The following BTN3A2 variants were observed in gnomAD, a reference collection of about 807,000 sequenced individuals.
BTN3A2 encodes butyrophilin subfamily 3 member A2, also known as butyrophilin protein.
Under a neutral mutation model 37.6 loss-of-function variants are expected in BTN3A2, and 25 were observed. The observed-to-expected ratio is 0.66, with a 90% CI of 0.48 to 0.93. BTN3A2 has a LOEUF of 0.93. Ranked by LOEUF, BTN3A2 falls within the 40% of genes least tolerant of loss-of-function variation. The pLI is 0.00. For missense variants in BTN3A2, 266 were observed against 410.9 expected (o/e 0.65, Z 3.05); for synonymous variants, 122 against 159.4 (o/e 0.77, Z 1.77).
chr6:26,369,302 T>C (rs190065872), intron 4 of BTN3A2, among the ~76,000 whole-genome samples: 85 of 152,342 alleles, frequency 5.6e-4, no homozygotes, highest in African/African-American at 2.0e-3. Flanking sequence ...GAATAGTGAC[T>C]GTATCTGCTG....
chr6:26,375,334 TG>T (rs1760605674), intron 10 of BTN3A2: 1 of 352,136 alleles, frequency 2.8e-6, no homozygotes, highest in Non-Finnish European at 5.2e-6. Flanking sequence ...ACCCCTAGCC[TG>T]GGAGGGCTAA....
rs1422169809 is a variant in BTN3A2, at chr6:26,376,581, A to T, written c.*819A>T. 7 of 1,413,942 alleles carry T rather than the reference A, an allele frequency of 5.0e-6. No homozygotes were observed. The highest frequency in any genetic ancestry group is 6.8e-6 in the Non-Finnish European group (7 of 1,031,924). 87.6% of individuals were successfully genotyped at this position (1,413,942 alleles called of 1,614,324 possible). On this transcript the variant is annotated 3_prime_UTR_variant, in exon 11 of 11. Transcript: ENST00000377708. ...CCTCAAACTCTCTGCAGCAGATGTAATTCTGTATCCAGACATGGCAAATGC... is the reference window on the plus strand; with the variant it reads ...CCTCAAACTCTCTGCAGCAGATGTATTTCTGTATCCAGACATGGCAAATGC...
Position 26,368,022 on chromosome 6 carries a change from A to T in BTN3A2, c.-34A>T. On this transcript the variant is annotated 5_prime_UTR_variant, in exon 2 of 11. Transcript: ENST00000377708. ...TCCATACTGGAACCCAAAGGTAAAGACACTCAAGGACAGACATTTTTGGCA... is the reference window on the plus strand; with the variant it reads ...TCCATACTGGAACCCAAAGGTAAAGTCACTCAAGGACAGACATTTTTGGCA... The T allele has an allele frequency of 6.9e-7, 1 of 1,449,662 alleles. No individual in the cohort carries two copies. The highest frequency in any genetic ancestry group is 9.1e-7 in the Non-Finnish European group (1 of 1,097,532). The allele number at this position is 1,449,662 out of a possible 1,614,324, so 89.8% of individuals were successfully genotyped here. A position where few individuals can be genotyped will look rare whatever the true frequency, so the allele number is the denominator to read the frequency against.
intron 1 of BTN3A2, among the ~76,000 whole-genome samples, chr6:26,367,285 A>G (rs72841507): frequency 0.046 from 7,009 of 152,284 alleles, 172 homozygotes; most frequent in African/African-American, 0.07. Context: ...AACCACTTTT[A>G]TACTTTAAAA....
intron 8 of BTN3A2, 108 bp from the exon 9 acceptor site, chr6:26,374,219 A>AGACTAGATGGATGGAAAAAAAAGGGG: frequency 3.1e-6 from 1 of 324,498 alleles, no homozygotes; most frequent in African/African-American, 2.7e-5. Flanking sequence ...AAAAAAAAAA[A>AGACTAGATGGATGGAAAAAAAAGGGG]AAAAAAAAAA....
chr6:26,365,393 T>C, intron 1 of BTN3A2, 41 bp downstream of exon 1: 1 of 1,534,894 alleles, frequency 6.5e-7, no homozygotes, highest in Non-Finnish European at 8.7e-7. Flanking sequence ...CTACAACGCA[T>C]GGGAGGAGCG....
At chr6:26,365,387 A>G in intron 1 of BTN3A2, 35 bp downstream of exon 1, 1 of 1,535,806 alleles carries the variant, frequency 6.5e-7, no homozygotes, top group Non-Finnish European at 8.7e-7. Flanking sequence ...CCTGGGCTAC[A>G]ACGCATGGGA....
chr6:26,373,101 T>C lies in BTN3A2; in HGVS notation c.916+4T>C, dbSNP rs750068318. The C allele has an allele frequency of 1.9e-6, 3 of 1,613,282 alleles. No individual in the cohort carries two copies. The highest frequency in any genetic ancestry group is 2.5e-6 in the Non-Finnish European group (3 of 1,180,022). On this transcript the variant is annotated splice_donor_region_variant and intron_variant, in intron 6 of 10. Transcript: ENST00000377708. ...GAGCGGGAAATAAGCCTAAGAGGTA[T>C]CCAACGCAAGCAGAGAATCTAAGCT...
chr6:26,376,004 A>C lies in BTN3A2; in HGVS notation c.*242A>C. On this transcript the variant is annotated 3_prime_UTR_variant, in exon 11 of 11. Coordinates refer to ENST00000377708, the MANE Select transcript of BTN3A2 (RefSeq NM_007047.5). ...GGCGGATCACAAGGTCAGGAGATCAAGACCATCCTGGCTAACACGGTGAAA... is the reference window on the plus strand; with the variant it reads ...GGCGGATCACAAGGTCAGGAGATCACGACCATCCTGGCTAACACGGTGAAA... 1 of 721,876 alleles carries C rather than the reference A, an allele frequency of 1.4e-6. No homozygotes were observed. The highest frequency in any genetic ancestry group is 2.1e-5 in the South Asian group (1 of 48,072). The allele number at this position is 721,876 out of a possible 1,614,324, so 44.7% of individuals were successfully genotyped here.
intron 10 of BTN3A2, chr6:26,375,390 C>A: frequency 2.4e-6 from 1 of 417,060 alleles, no homozygotes; most frequent in Non-Finnish European, 4.4e-6. Context: ...GGTAGCTTAA[C>A]GAGGGAGCTT....
chr6:26,375,646 A>C, intron 10 of BTN3A2, 151 bp from the exon 11 acceptor site: 1 of 1,499,608 alleles, frequency 6.7e-7, no homozygotes, highest in Non-Finnish European at 8.9e-7. Flanking sequence ...AATCTAGGGC[A>C]TATAAGGCCC....
At chr6:26,374,703 G>C (rs2113716114) in intron 9 of BTN3A2, 68 bp from the exon 10 acceptor site, 1 of 1,425,814 alleles carries the variant, frequency 7.0e-7, no homozygotes, top group Middle Eastern at 2.2e-4. Context: ...CATGTAGTGA[G>C]AGGAGAATGG....
Position 26,377,339 on chromosome 6 carries a change from T to C in BTN3A2, c.*1577T>C, listed in dbSNP as rs1433343750. On this transcript the variant is annotated 3_prime_UTR_variant, in exon 11 of 11. Transcript: ENST00000377708. ...ATTCAATTATTCCATAGGACAGTTG[T>C]TTGAGTTTGGTGCCACCTTATTGGC... 3 of 643,698 alleles carry C rather than the reference T, an allele frequency of 4.7e-6. No individual in the cohort carries two copies. The highest frequency in any genetic ancestry group is 1.8e-5 in the African/African-American group (1 of 55,156). 39.9% of individuals were successfully genotyped at this position (643,698 alleles called of 1,614,324 possible).
chr6:26,373,578 T>C (rs548332234), intron 8 of BTN3A2, 165 bp downstream of exon 8: 2 of 497,400 alleles, frequency 4.0e-6, no homozygotes, highest in East Asian at 7.0e-5. Context: ...CCCAGTGCTT[T>C]TTCTCTCTAG....
rs768590240 is a variant in BTN3A2 at position 26,368,891 on chromosome 6, C to T, written c.412C>T (p.Leu138=). ...AGATGGTGACTTCTATGAAAAAGCC[C>T]TGGTGGAGCTGAAGGTTGCAGGTGA... ...FQDGDFYEKA[L]VELKVAALGS... Residue 138 remains leucine (L), a synonymous_variant, in exon 4 of 11, where the codon CTG becomes TTG. Coordinates refer to ENST00000377708, the MANE Select transcript of BTN3A2 (RefSeq NM_007047.5). 5.8e-6 allele frequency: 9 copies of T among 1,560,630 alleles called. No individual in the cohort carries two copies. Among genetic ancestry groups the T allele is most frequent in the Non-Finnish European group, 7.9e-6 (9 of 1,142,912 alleles).
intron 4 of BTN3A2, among the ~76,000 whole-genome samples, chr6:26,369,982 C>A (rs1270948876): frequency 6.6e-6 from 1 of 152,208 alleles, no homozygotes; most frequent in African/African-American, 2.4e-5. Context: ...GGCTTCCTTA[C>A]TGCAAGTTAC....
chr6:26,371,685 CT>C (rs150885158), intron 5 of BTN3A2, among the ~76,000 whole-genome samples: 386 of 144,242 alleles, frequency 2.7e-3, no homozygotes, highest in Middle Eastern at 3.6e-3. Context: ...GTGTGTGTGT[CT>C]TTTTTTTTTT....
In BTN3A2 at chr6:26,365,216, T is replaced by TG; in HGVS notation, c.-201dup. 3 of 1,242,276 alleles carry TG rather than the reference T, an allele frequency of 2.4e-6. No homozygotes were observed. The highest frequency in any genetic ancestry group is 3.4e-6 in the Non-Finnish European group (3 of 890,846). The allele number at this position is 1,242,276 out of a possible 1,614,324, so 77.0% of individuals were successfully genotyped here. On this transcript the variant is annotated 5_prime_UTR_variant, in exon 1 of 11. It removes the in-frame stop codon of an upstream open reading frame in the 5' UTR. Coordinates refer to ENST00000377708, the MANE Select transcript of BTN3A2 (RefSeq NM_007047.5). ...AAAGAGCGACTCTTACTGTTTCTCA[T>TG]GGTGAGAAGACAATATTTGCTTTCT...
rs34655395 is a variant in BTN3A2, at chr6:26,374,201, TAAAAAAAAAAAAAA to T, written c.965-100_965-87del. Reference sequence around the variant, plus strand: ...GAGACCATGGGGAAGGGTGGGATGGTAAAAAAAAAAAAAAAAAAAAAAAAAAAAAAAAAAAAAAA... The same window carrying T: ...GAGACCATGGGGAAGGGTGGGATGGTAAAAAAAAAAAAAAAAAAAAAAAAA... On this transcript the variant is annotated intron_variant, in intron 8 of 10. Transcript: ENST00000377708. 4.4e-3 allele frequency: 1,093 copies of T among 246,598 alleles called. 5 individuals carry two copies. The highest frequency in any genetic ancestry group is 0.012 in the South Asian group (256 of 21,960). The allele number at this position is 246,598 out of a possible 1,614,324, so 15.3% of individuals were successfully genotyped here.
Sources: gnomAD v4.1 joint callset for allele counts (sites outside exome capture counted in the v4.1 genomes callset) on GRCh38, gnomAD v4.1.1 for gene constraint, MANE v1.5 for transcripts, NCBI Gene and HGNC (gene_info 2026-07-23, HGNC 2026-07-21) for gene names.